The following UIMC1 variants were observed in gnomAD, a reference collection of about 807,000 sequenced individuals.
The protein encoded by UIMC1 is ubiquitin interaction motif containing 1.
In UIMC1, 42 loss-of-function variants were observed where a neutral mutation model predicts 84.9. The observed-to-expected ratio is 0.49, with a 90% CI of 0.39 to 0.64. The LOEUF is 0.64. Ranked by LOEUF, UIMC1 falls within the 30% of genes least tolerant of loss-of-function variation. The pLI, the probability that UIMC1 is intolerant of heterozygous loss-of-function variation, is 0.00. For synonymous variants in UIMC1, 281 were observed against 293.0 expected (o/e 0.96, Z 0.42); for missense variants, 825 against 847.6 (o/e 0.97, Z 0.33).
chr5:176,941,933 TC>T, intron 10 of UIMC1, among the ~76,000 whole-genome samples: 2 of 152,080 alleles, frequency 1.3e-5, no homozygotes, highest in African/African-American at 4.8e-5. Context: ...AACCTCTGCC[TC>T]CCGGGTTCAA....
At chr5:176,956,422 A>G (rs182427036) in intron 7 of UIMC1, among the ~76,000 whole-genome samples, 64 of 152,340 alleles carry the variant, frequency 4.2e-4, no homozygotes, top group East Asian at 4.0e-3. Flanking sequence ...GTAAACTGAC[A>G]AGAGAAGACA....
chr5:177,019,628 A>G (rs1775744668), intron 1 of UIMC1, among the ~76,000 whole-genome samples: 1 of 62,010 alleles, frequency 1.6e-5, no homozygotes, highest in African/African-American at 9.0e-5. Flanking sequence ...CCTGTCTCGG[A>G]AAAAAAAAAA....
intron 7 of UIMC1, 126 bp downstream of exon 7, chr5:176,957,967 T>C (rs1766818361): frequency 1.4e-6 from 1 of 708,792 alleles, no homozygotes; most frequent in Non-Finnish European, 2.2e-6. Context: ...TTTCTCCTAG[T>C]CTTCACTTAT....
At chr5:176,919,245 C>A in intron 10 of UIMC1, 1 of 335,560 alleles carries the variant, frequency 3.0e-6, no homozygotes, top group Admixed American at 4.3e-5. Flanking sequence ...CACTACTGCA[C>A]TCCAGCCTGG....
At chr5:176,994,454 T>C (rs1168392773) in intron 1 of UIMC1, among the ~76,000 whole-genome samples, 1 of 150,352 alleles carries the variant, frequency 6.7e-6, no homozygotes, top group Admixed American at 6.7e-5. Context: ...ACCTCTCATA[T>C]ACTGCTAATG....
chr5:176,997,541 C>T (rs1052957459), intron 1 of UIMC1, among the ~76,000 whole-genome samples: 1 of 151,956 alleles, frequency 6.6e-6, no homozygotes, highest in African/African-American at 2.4e-5. Flanking sequence ...AAAAATTAGC[C>T]GGGCGTGGTG....
intron 11 of UIMC1, 101 bp downstream of exon 11, chr5:176,911,210 A>C (rs1273919019): frequency 3.4e-6 from 3 of 881,380 alleles, no homozygotes; most frequent in Non-Finnish European, 3.2e-6. Flanking sequence ...AGCAATTGGC[A>C]GGCCAAAGAA....
At chr5:176,915,815 G>T (rs200956767) in intron 10 of UIMC1, among the ~76,000 whole-genome samples, 1 of 98,242 alleles carries the variant, frequency 1.0e-5, no homozygotes, top group East Asian at 3.1e-4. Flanking sequence ...AAAAAAAAAA[G>T]CAAAAAGCAC....
Position 176,905,370 on chromosome 5 carries a change from C to G in UIMC1, c.2072G>C (p.Cys691Ser). 6.2e-7 allele frequency: 1 copy of G among 1,614,172 alleles called. No homozygotes were observed. The highest frequency in any genetic ancestry group is 8.5e-7 in the Non-Finnish European group (1 of 1,180,002). Residue 691 changes from cysteine to serine, a missense_variant, in exon 15 of 15, where the codon TGC (cysteine) becomes TCC (serine). Physicochemically the swap from Cys to Ser is moderately radical, Grantham distance 112. Coordinates refer to ENST00000511320, the MANE Select transcript of UIMC1 (RefSeq NM_001199298.2). ...AACTTGCTTTTTAAAGTCCACTAAG[C>G]AATCTGTGGCTTCTGAAATGGAAAC... ...SFVSISEATDCLVDFKKQVTV... is the reference protein window; with the variant it reads ...SFVSISEATDSLVDFKKQVTV...
At chr5:176,910,745 A>G (rs1760028505) in intron 11 of UIMC1, among the ~76,000 whole-genome samples, 1 of 152,202 alleles carries the variant, frequency 6.6e-6, no homozygotes, top group Non-Finnish European at 1.5e-5. Context: ...CTTTTAGTGT[A>G]TTAAAAAGGG....
intron 1 of UIMC1, among the ~76,000 whole-genome samples, chr5:177,020,122 C>A (rs893300008): frequency 7.9e-5 from 12 of 152,184 alleles, no homozygotes; most frequent in African/African-American, 2.9e-4. Context: ...TAATTCATAT[C>A]TGTCTCTCTT....
At chr5:176,999,538 A>C (rs1774143905) in intron 1 of UIMC1, among the ~76,000 whole-genome samples, 2 of 146,836 alleles carry the variant, frequency 1.4e-5, no homozygotes, top group African/African-American at 2.5e-5. Flanking sequence ...AACCATCCCC[A>C]CCTCCCCACC....
At chr5:176,907,578 G>A (rs1195588848) in intron 12 of UIMC1, among the ~76,000 whole-genome samples, 2 of 152,152 alleles carry the variant, frequency 1.3e-5, no homozygotes, top group African/African-American at 4.8e-5. Flanking sequence ...AGTGTGTACA[G>A]TGACTCCTTT....
chr5:177,001,709 G>C (rs1184490573), intron 1 of UIMC1, among the ~76,000 whole-genome samples: 2 of 151,416 alleles, frequency 1.3e-5, no homozygotes, highest in East Asian at 1.9e-4. Flanking sequence ...GAGGCTGAGG[G>C]GGGGCGGATC....
chr5:176,912,279 G>T (rs1014628308), intron 10 of UIMC1, among the ~76,000 whole-genome samples: 3 of 152,150 alleles, frequency 2.0e-5, no homozygotes, highest in Non-Finnish European at 4.4e-5. Flanking sequence ...CTGTTAGCAG[G>T]AAAGCAGTCA....
intron 2 of UIMC1, among the ~76,000 whole-genome samples, chr5:176,982,176 A>G (rs1244828607): frequency 6.6e-6 from 1 of 152,218 alleles, no homozygotes; most frequent in Non-Finnish European, 1.5e-5. Context: ...CTTTCTAGAC[A>G]CATGAAAACT....
chr5:176,918,107 A>G, intron 10 of UIMC1, among the ~76,000 whole-genome samples: 1 of 152,208 alleles, frequency 6.6e-6, no homozygotes, highest in Non-Finnish European at 1.5e-5. Flanking sequence ...CTGTTCTTTC[A>G]TGAGATTAAC....
At chr5:176,905,704 A>T in intron 14 of UIMC1, 1 of 646,734 alleles carries the variant, frequency 1.5e-6, no homozygotes, top group Non-Finnish European at 2.6e-6. Context: ...GAGAATGAGA[A>T]CTGAGATCCA....
chr5:176,946,292 A>G (rs564828994), intron 9 of UIMC1, among the ~76,000 whole-genome samples: 44 of 152,306 alleles, frequency 2.9e-4, no homozygotes, highest in African/African-American at 1.0e-3. Flanking sequence ...CAGGCAGATC[A>G]CAGGAGGCCA....
Sources: gnomAD v4.1 joint callset for allele counts (sites outside exome capture counted in the v4.1 genomes callset) on GRCh38, gnomAD v4.1.1 for gene constraint, MANE v1.5 for transcripts, NCBI Gene and HGNC (gene_info 2026-07-23, HGNC 2026-07-21) for gene names.